Variants in RBMS3 observed in about 807,000 individuals in gnomAD.
The protein encoded by RBMS3 is RNA binding motif single stranded interacting protein 3.
Under a neutral mutation model 66.8 loss-of-function variants are expected in RBMS3, and 27 were observed. The ratio of observed to expected loss-of-function variants is 0.40; its 90% CI spans 0.30 to 0.56. RBMS3 has a LOEUF of 0.56. Ranked by LOEUF, RBMS3 falls within the 20% of genes least tolerant of loss-of-function variation. RBMS3 has a pLI of 0.40. For missense variants in RBMS3, 513 were observed against 549.5 expected, an observed-to-expected ratio of 0.93 and a Z score of 0.66; for synonymous variants, 188 against 183.0, an observed-to-expected ratio of 1.03 and a Z score of -0.22.
chr3:29,437,752 C>G (rs1335812091), intron 2 of RBMS3, among the ~76,000 whole-genome samples: 1 of 152,092 alleles, frequency 6.6e-6, no homozygotes, highest in Admixed American at 6.5e-5. Context: ...TGACTTTTTG[C>G]CTCTTAACGT....
At chr3:29,870,850 T>C (rs2059473276) in intron 7 of RBMS3, among the ~76,000 whole-genome samples, 1 of 152,168 alleles carries the variant, frequency 6.6e-6, no homozygotes, top group African/African-American at 2.4e-5. Context: ...CAAATATATA[T>C]ACACATTGAG....
chr3:29,476,853 A>G (rs940167847), intron 2 of RBMS3, among the ~76,000 whole-genome samples: 1 of 152,162 alleles, frequency 6.6e-6, no homozygotes, highest in Non-Finnish European at 1.5e-5. Flanking sequence ...TGAAGCATGC[A>G]TTCTTGTATT....
At chr3:29,546,103 C>T (rs968477252) in intron 3 of RBMS3, among the ~76,000 whole-genome samples, 32 of 115,120 alleles carry the variant, frequency 2.8e-4, no homozygotes, top group South Asian at 1.0e-3. Flanking sequence ...TTTGATGAGA[C>T]GGGTTTGTGT....
At chr3:29,577,556 G>A (rs183765061) in intron 3 of RBMS3, among the ~76,000 whole-genome samples, 2 of 152,294 alleles carry the variant, frequency 1.3e-5, no homozygotes, top group East Asian at 3.9e-4. Flanking sequence ...TTTGGCCTGT[G>A]ATGGCAAGGC....
chr3:29,981,581 CTTA>C (rs1698000212), intron 12 of RBMS3, among the ~76,000 whole-genome samples: 1 of 152,038 alleles, frequency 6.6e-6, no homozygotes, highest in African/African-American at 2.4e-5. Flanking sequence ...ATAAATAGCT[CTTA>C]TTATTTTGAT....
At chr3:29,587,517 A>T (rs1317124905) in intron 4 of RBMS3, among the ~76,000 whole-genome samples, 4 of 151,670 alleles carry the variant, frequency 2.6e-5, no homozygotes, top group Admixed American at 6.6e-5. Context: ...AGACTTAAGG[A>T]CACTCGTGAA....
intron 1 of RBMS3, among the ~76,000 whole-genome samples, chr3:29,359,003 T>A (rs942772021): frequency 6.6e-6 from 1 of 152,212 alleles, no homozygotes; most frequent in Admixed American, 6.5e-5. Context: ...GAGGGACAAT[T>A]TGACTTCCTC....
intron 3 of RBMS3, among the ~76,000 whole-genome samples, chr3:29,564,190 T>G (rs984316986): frequency 6.6e-6 from 1 of 152,092 alleles, no homozygotes; most frequent in Non-Finnish European, 1.5e-5. Flanking sequence ...AATAAATTTT[T>G]TTTAGGCCAG....
intron 3 of RBMS3, among the ~76,000 whole-genome samples, chr3:29,550,221 C>T (rs894376006): frequency 2.0e-5 from 3 of 152,176 alleles, no homozygotes; most frequent in South Asian, 2.1e-4. Context: ...ACATTTATTT[C>T]TCACCAACAC....
chr3:29,613,348 G>T (rs1673530379), intron 4 of RBMS3, among the ~76,000 whole-genome samples: 1 of 151,992 alleles, frequency 6.6e-6, no homozygotes, highest in South Asian at 2.1e-4. Flanking sequence ...TCCAACACTT[G>T]TTATCGCTCA....
At chr3:29,795,398 A>T (rs2057150306) in intron 6 of RBMS3, among the ~76,000 whole-genome samples, 1 of 152,234 alleles carries the variant, frequency 6.6e-6, no homozygotes, top group African/African-American at 2.4e-5. Context: ...CAGGTTAACT[A>T]CATACGTGAC....
At chr3:29,881,289 C>T (rs1164510049) in intron 7 of RBMS3, among the ~76,000 whole-genome samples, 2 of 152,110 alleles carry the variant, frequency 1.3e-5, no homozygotes, top group East Asian at 1.9e-4. Context: ...CTCATCTGCA[C>T]CCCATCCATA....
chr3:29,997,448 G>T (rs375341647), intron 14 of RBMS3, among the ~76,000 whole-genome samples: 27 of 148,860 alleles, frequency 1.8e-4, no homozygotes, highest in South Asian at 8.7e-4. Flanking sequence ...TACCAAAGCC[G>T]GGCAGAGACA....
intron 4 of RBMS3, among the ~76,000 whole-genome samples, chr3:29,736,936 T>C (rs569848497): frequency 1.3e-5 from 2 of 152,150 alleles, no homozygotes; most frequent in African/African-American, 4.8e-5. Context: ...AGTAACCTTC[T>C]ATTTATGGCA....
At chr3:29,782,444 T>G (rs572517856) in intron 6 of RBMS3, among the ~76,000 whole-genome samples, 1 of 152,262 alleles carries the variant, frequency 6.6e-6, no homozygotes, top group South Asian at 2.1e-4. Flanking sequence ...AATCACTACA[T>G]TTGGCTCTCA....
intron 12 of RBMS3, among the ~76,000 whole-genome samples, chr3:29,951,779 C>T (rs1695696345): frequency 1.3e-5 from 2 of 150,946 alleles, no homozygotes; most frequent in African/African-American, 4.9e-5. Flanking sequence ...TTCTTATTGG[C>T]CAAACTATTA....
chr3:29,427,469 A>C (rs1016455281), intron 1 of RBMS3, among the ~76,000 whole-genome samples: 1 of 152,220 alleles, frequency 6.6e-6, no homozygotes, highest in Admixed American at 6.5e-5. Flanking sequence ...TTCACACTAG[A>C]GGAGAGGTCT....
At chr3:29,702,477 C>A (rs1287385900) in intron 4 of RBMS3, among the ~76,000 whole-genome samples, 1 of 152,172 alleles carries the variant, frequency 6.6e-6, no homozygotes, top group Non-Finnish European at 1.5e-5. Flanking sequence ...CAGTGGCAAC[C>A]CGCCGGGGTC....
chr3:29,979,671 G>A lies in RBMS3; in HGVS notation c.1099-8472G>A, dbSNP rs544177882. On this transcript the variant is annotated intron_variant, in intron 12 of 14. Coordinates refer to ENST00000383767, the MANE Select transcript of RBMS3 (RefSeq NM_001003793.3). ...CTCATTGTTCAACTCCCACTTATGA[G>A]TGAGAATATGCAGTGTTTGGTTTTC... Among the ~76,000 whole-genome samples the A allele has an allele frequency of 1.1e-4, 16 of 152,262 alleles. No individual in the cohort carries two copies. In the South Asian group the frequency reaches 3.3e-3, roughly 32 times the overall value.
Sources: allele counts gnomAD v4.1 joint callset (sites outside exome capture counted in the v4.1 genomes callset), GRCh38; gene constraint gnomAD v4.1.1; transcripts MANE v1.5; gene names NCBI Gene and HGNC (gene_info 2026-07-23, HGNC 2026-07-21).